Variants in TRIM29 observed in about 807,000 individuals in gnomAD.
TRIM29 encodes tripartite motif containing 29.
Under a neutral mutation model 57.3 loss-of-function variants are expected in TRIM29, and 52 were observed. The ratio of observed to expected loss-of-function variants is 0.91; its 90% CI spans 0.73 to 1.14. The LOEUF (loss-of-function observed/expected upper bound fraction) is 1.14, where lower values mean the gene tolerates loss of function less well. TRIM29 is among the 50% of genes most tolerant of loss of function. TRIM29 has a pLI of 0.00. For missense variants in TRIM29, 753 were observed against 774.6 expected (o/e 0.97, Z 0.33); for synonymous variants, 319 against 316.9 (o/e 1.01, Z -0.07).
chr11:120,135,932 G>A (rs1863805302), intron 1 of TRIM29, among the ~76,000 whole-genome samples: 1 of 152,120 alleles, frequency 6.6e-6, no homozygotes, highest in Non-Finnish European at 1.5e-5. Context: ...GTACCTTAGG[G>A]AAGAGTGAGC....
chr11:120,115,262 G>A (rs772212115), intron 8 of TRIM29, 76 bp downstream of exon 8: 76 of 1,439,784 alleles, frequency 5.3e-5, no homozygotes, highest in Middle Eastern at 3.8e-4. Flanking sequence ...CCCTGGAACC[G>A]ATTGCCTCCA....
Position 120,123,013 on chromosome 11 carries a change from C to T in TRIM29, c.1376G>A (p.Gly459Glu). 2 of 1,614,098 alleles carry T rather than the reference C, an allele frequency of 1.2e-6. No homozygotes were observed. The highest frequency in any genetic ancestry group is 1.7e-6 in the Non-Finnish European group (2 of 1,180,014). Residue 459 changes from glycine to glutamate, a missense_variant, in exon 5 of 9, where the codon GGG becomes GAG. By Grantham distance (98) the Gly-to-Glu change is moderately conservative. Transcript: ENST00000341846. ...GGTGTCCGGTGCACTCCACTCACCC[C>T]CGAAGCTGTTCGTGTAGTTGTTCAC... ...RYVNNYTNSFGGEWSAPDTMK... is the reference protein window; with the variant it reads ...RYVNNYTNSFEGEWSAPDTMK...
chr11:120,120,995 GC>G (rs989699009), intron 5 of TRIM29: 6 of 397,770 alleles, frequency 1.5e-5, no homozygotes, highest in Non-Finnish European at 2.4e-5. Context: ...CCTCCCAGGG[GC>G]CCACCCAGGC....
chr11:120,112,614 T>C (rs553319184), intron 8 of TRIM29, 138 bp from the exon 9 acceptor site: 1 of 814,894 alleles, frequency 1.2e-6, no homozygotes, highest in South Asian at 1.5e-5. Context: ...TGGCCTGATC[T>C]GCAAGATTTA....
At chr11:120,133,054 C>A (rs1196782873) in intron 1 of TRIM29, among the ~76,000 whole-genome samples, 1 of 152,184 alleles carries the variant, frequency 6.6e-6, no homozygotes, top group African/African-American at 2.4e-5. Context: ...CAGTGGGAAC[C>A]TCCCCTTCCT....
At chr11:120,133,073 G>A (rs540044393) in intron 1 of TRIM29, among the ~76,000 whole-genome samples, 2 of 152,248 alleles carry the variant, frequency 1.3e-5, no homozygotes, top group Admixed American at 1.3e-4. Flanking sequence ...CTGGGCCTTG[G>A]TTTCCTTGTG....
At position 120,118,266 on chromosome 11, in the gene TRIM29, A is replaced by G. The variant is rs760624958; in HGVS notation, c.1584T>C (p.Asn528=). The G allele has an allele frequency of 2.5e-6, 4 of 1,614,010 alleles. No individual in the cohort carries two copies. The East Asian group carries it at 6.7e-5, about 27-fold the overall frequency. The part of the protein sequence containing the change: ...EYSSSIQNSD[N]DLPVVQGSSS... ...AGCTGCCTTGGACGACGGGCAGGTCATTGTCAGAGTTCTGAATGCTGGAGG... is the reference window on the plus strand; with the variant it reads ...AGCTGCCTTGGACGACGGGCAGGTCGTTGTCAGAGTTCTGAATGCTGGAGG... The change falls in exon 7 of 9, where the codon AAT becomes AAC. Residue 528 remains asparagine (N), a synonymous_variant. Transcript: ENST00000341846.
intron 7 of TRIM29, chr11:120,116,356 C>T (rs779863429): frequency 6.6e-6 from 1 of 152,374 alleles, no homozygotes; most frequent in Non-Finnish European, 1.5e-5. Context: ...AAGACACAGG[C>T]CATGACCTGG....
chr11:120,135,561 C>G (rs773325564), intron 1 of TRIM29, among the ~76,000 whole-genome samples: 9 of 152,100 alleles, frequency 5.9e-5, no homozygotes, highest in Non-Finnish European at 1.3e-4. Flanking sequence ...CAAGTAAACT[C>G]CCTAGAATGA....
intron 1 of TRIM29, among the ~76,000 whole-genome samples, chr11:120,135,365 C>T (rs141779833): frequency 1.4e-3 from 216 of 152,238 alleles, no homozygotes; most frequent in African/African-American, 4.5e-3. Flanking sequence ...TGAAAACCAA[C>T]AATCTAGCCT....
chr11:120,114,856 C>T (rs188827586), intron 8 of TRIM29, among the ~76,000 whole-genome samples: 1 of 152,258 alleles, frequency 6.6e-6, no homozygotes. Flanking sequence ...GATATTGACC[C>T]TAAATATATC....
At chr11:120,129,161 G>A (rs1863667280) in intron 1 of TRIM29, among the ~76,000 whole-genome samples, 1 of 152,180 alleles carries the variant, frequency 6.6e-6, no homozygotes, top group Non-Finnish European at 1.5e-5. Context: ...CCCTGCTCAG[G>A]AAGAGGACAC....
chr11:120,125,958 G>GCACTGTGAGAGCCCCT, intron 3 of TRIM29, 69 bp from the exon 4 acceptor site: 2 of 1,505,252 alleles, frequency 1.3e-6, no homozygotes, highest in Non-Finnish European at 1.8e-6. Flanking sequence ...TCTCTGCCAG[G>GCACTGTGAGAGCCCCT]GGCTCTCACA....
chr11:120,117,812 T>C (rs1176862246), intron 7 of TRIM29: 4 of 214,108 alleles, frequency 1.9e-5, no homozygotes, highest in Non-Finnish European at 3.8e-5. Context: ...CAGGATTGGA[T>C]CTGCAGGATG....
intron 3 of TRIM29, 138 bp downstream of exon 3, chr11:120,127,198 T>A: frequency 1.4e-6 from 1 of 712,312 alleles, no homozygotes; most frequent in Non-Finnish European, 2.3e-6. Context: ...GGATGGATGG[T>A]TGGATGGCTG....
intron 2 of TRIM29, among the ~76,000 whole-genome samples, chr11:120,127,983 G>T (rs1484136229): frequency 3.9e-5 from 6 of 152,188 alleles, no homozygotes. Context: ...TGTAGTCAGG[G>T]TCAAGCAGGC....
At chr11:120,122,171 G>A (rs1049453326) in intron 5 of TRIM29, among the ~76,000 whole-genome samples, 1 of 106,818 alleles carries the variant, frequency 9.4e-6, no homozygotes, top group Non-Finnish European at 1.9e-5. Flanking sequence ...TGTGAAAGAC[G>A]TGTGTGAATT....
chr11:120,115,348 T>G lies in TRIM29; in HGVS notation c.1694A>C (p.Gln565Pro), dbSNP rs200596263. 123 of 1,613,474 alleles carry G rather than the reference T, an allele frequency of 7.6e-5. No individual in the cohort carries two copies. The highest frequency in any genetic ancestry group is 9.0e-5 in the Non-Finnish European group (106 of 1,179,848). The change falls in exon 8 of 9, where the codon CAG (glutamine) becomes CCG (proline). Residue 565 changes from glutamine to proline, a missense_variant. Physicochemically the swap from Gln to Pro is moderately conservative, Grantham distance 76. Coordinates refer to ENST00000341846, the MANE Select transcript of TRIM29 (RefSeq NM_012101.4). ...AQPQTWKSGK[Q>P]TMLSHYRPFY... ...CAGCACTTCCCTTACCAGCATAGTC[T>G]GCTTGCCAGATTTCCAAGTCTGGGG... is the stretch of plus-strand genomic sequence containing the variant.
chr11:120,129,016 G>T, intron 1 of TRIM29: 1 of 923,740 alleles, frequency 1.1e-6, no homozygotes, highest in Non-Finnish European at 1.4e-6. Context: ...GGCAGGCACA[G>T]CTATAAAACC....
Sources: gnomAD v4.1 joint callset for allele counts (sites outside exome capture counted in the v4.1 genomes callset) on GRCh38, gnomAD v4.1.1 for gene constraint, MANE v1.5 for transcripts, NCBI Gene and HGNC (gene_info 2026-07-23, HGNC 2026-07-21) for gene names.